ZGRF1: variants seen among roughly 807,000 people sequenced by gnomAD.
ZGRF1 encodes the protein zinc finger GRF-type containing 1.
In ZGRF1, 196 loss-of-function variants were observed where a neutral mutation model predicts 203.5. The observed-to-expected ratio is 0.96, with a 90% CI of 0.86 to 1.08. The LOEUF (loss-of-function observed/expected upper bound fraction) is 1.08. ZGRF1 is among the 50% of genes least tolerant of loss of function. The probability of loss-of-function intolerance (pLI) is 0.00; values close to 1 mark genes in which losing one functional copy is unlikely to be tolerated. For synonymous variants in ZGRF1, 809 were observed against 841.3 expected (o/e 0.96, Z 0.66); for missense variants, 2,326 against 2,416.3 (o/e 0.96, Z 0.78).
At chr4:112,562,901 C>G (rs1485024074) in intron 17 of ZGRF1, among the ~76,000 whole-genome samples, 1 of 152,058 alleles carries the variant, frequency 6.6e-6, no homozygotes, top group African/African-American at 2.4e-5. Context: ...ATATGGAAAA[C>G]AGAAAATCAG....
chr4:112,545,987 C>T (rs1384553791), intron 24 of ZGRF1, among the ~76,000 whole-genome samples: 1 of 151,562 alleles, frequency 6.6e-6, no homozygotes, highest in Non-Finnish European at 1.5e-5. Flanking sequence ...TATTGCTTAA[C>T]AGTTCAAAAT....
At chr4:112,555,942 GTTTTC>G (rs748815195) in intron 20 of ZGRF1, among the ~76,000 whole-genome samples, 42 of 151,210 alleles carry the variant, frequency 2.8e-4, no homozygotes, top group Non-Finnish European at 3.8e-4. Flanking sequence ...TCGTTTTTTT[GTTTTC>G]TTTTGTTTTT....
rs1163200709 is a variant in ZGRF1 at position 112,580,207 on chromosome 4, G to A, written c.4438+1456C>T. ...TTCCCTATTTAACAAATGTTGCTGGGAAAACTGGCTAGCCATATGTAGAAA... is the reference window on the plus strand; with the variant it reads ...TTCCCTATTTAACAAATGTTGCTGGAAAAACTGGCTAGCCATATGTAGAAA... On this transcript the variant is annotated intron_variant, in intron 16 of 27. Coordinates refer to ENST00000505019, the MANE Select transcript of ZGRF1 (RefSeq NM_018392.5). Among the ~76,000 whole-genome samples, 4 of 124,306 alleles carry A rather than the reference G, an allele frequency of 3.2e-5. 1 individual carries two copies. The East Asian group carries it at 9.4e-4, about 29-fold the overall frequency. The allele number at this position is 124,306 out of a possible 152,430, so 81.5% of individuals were successfully genotyped here.
At chr4:112,607,059 T>C (rs1477548048) in intron 8 of ZGRF1, among the ~76,000 whole-genome samples, 1 of 152,210 alleles carries the variant, frequency 6.6e-6, no homozygotes, top group Non-Finnish European at 1.5e-5. Context: ...ATAACACTTA[T>C]ATATAAGCAC....
At chr4:112,634,137 A>G (rs558370936) in intron 1 of ZGRF1, among the ~76,000 whole-genome samples, 3 of 152,234 alleles carry the variant, frequency 2.0e-5, no homozygotes, top group Non-Finnish European at 4.4e-5. Flanking sequence ...TTCAGTACTT[A>G]CTATTGTGCC....
intron 9 of ZGRF1, 68 bp downstream of exon 9, chr4:112,605,940 T>G: frequency 9.6e-7 from 1 of 1,040,588 alleles, no homozygotes; most frequent in Non-Finnish European, 1.5e-6. Flanking sequence ...TGTTTTTTTG[T>G]TTTTTTGTTT....
In ZGRF1 at chr4:112,630,466, C is replaced by T. The variant is rs140304152; in HGVS notation, c.102+1464G>A. ...CTGGGAGGCAGAGGCTTCAGGGAGC[C>T]GAGATTGTGCCACTGCACTCCAGCC... is the stretch of plus-strand genomic sequence containing the variant. On this transcript the variant is annotated intron_variant, in intron 3 of 27. Coordinates refer to ENST00000505019, the MANE Select transcript of ZGRF1 (RefSeq NM_018392.5). Among the ~76,000 whole-genome samples, 379 of 152,034 alleles carry T rather than the reference C, an allele frequency of 2.5e-3. 4 individuals are homozygous for T. Among genetic ancestry groups the T allele is most frequent in the African/African-American group, 8.5e-3 (354 of 41,456 alleles).
At chr4:112,601,572 TA>T (rs781100141) in intron 10 of ZGRF1, among the ~76,000 whole-genome samples, 5,862 of 129,714 alleles carry the variant, frequency 0.045, 306 homozygotes, top group African/African-American at 0.14. Context: ...AGACCTTGTC[TA>T]AAAAAAAAAA....
chr4:112,575,016 ACT>A (rs1028184770), intron 16 of ZGRF1, among the ~76,000 whole-genome samples: 2 of 151,024 alleles, frequency 1.3e-5, no homozygotes, highest in African/African-American at 2.4e-5. Flanking sequence ...ACAGAGTGAG[ACT>A]CTGTCTCAGG....
chr4:112,539,367 T>A lies in ZGRF1; in HGVS notation c.*180A>T. ...TTAGAAAAAAGCTTATTTTTATTAG[T>A]AGGATTTTATACTACCTTTTGTACA... On this transcript the variant is annotated 3_prime_UTR_variant, in exon 28 of 28. Transcript: ENST00000505019. 1 of 408,324 alleles carries A rather than the reference T, an allele frequency of 2.4e-6. No homozygotes were observed. The highest frequency in any genetic ancestry group is 4.3e-6 in the Non-Finnish European group (1 of 235,070). The allele number at this position is 408,324 out of a possible 1,614,324, so 25.3% of individuals were successfully genotyped here.
At chr4:112,557,681 T>C (rs13144494) in intron 20 of ZGRF1, among the ~76,000 whole-genome samples, 10,081 of 152,286 alleles carry the variant, frequency 0.066, 403 homozygotes, top group Middle Eastern at 0.11. Flanking sequence ...ACACTGAGGC[T>C]GGGGATCCAT....
Position 112,619,218 on chromosome 4 carries a change from G to T in ZGRF1, c.824C>A (p.Thr275Lys), listed in dbSNP as rs1472999362. 6 of 1,613,196 alleles carry T rather than the reference G, an allele frequency of 3.7e-6. No homozygotes were observed. In the Admixed American group the frequency reaches 1.0e-4, roughly 27 times the overall value. The change falls in exon 6 of 28, where the codon ACA becomes AAA. Residue 275 changes from threonine (T) to lysine (K), a missense_variant. Coordinates refer to ENST00000505019, the MANE Select transcript of ZGRF1 (RefSeq NM_018392.5). ...SSCEELNSEM[T>K]EHFPQKQPQG... ...TGGTTGTTTTTGAGGAAAATGCTCT[G>T]TCATCTCAGAATTTAGTTCCTCACA...
intron 16 of ZGRF1, among the ~76,000 whole-genome samples, chr4:112,567,817 T>C (rs1743411899): frequency 6.6e-6 from 1 of 152,018 alleles, no homozygotes; most frequent in African/African-American, 2.4e-5. Flanking sequence ...TCCCAGCTAG[T>C]CAGAACGCTG....
In ZGRF1 at chr4:112,618,419, G is replaced by A; in HGVS notation, c.1623C>T (p.Asp541=). 1.2e-6 allele frequency: 2 copies of A among 1,613,824 alleles called. No individual in the cohort carries two copies. Among genetic ancestry groups the A allele is most frequent in the Middle Eastern group, 1.7e-4 (1 of 6,058 alleles). Residue 541 remains aspartate, a synonymous_variant, in exon 6 of 28, where the codon GAC becomes GAT. Coordinates refer to ENST00000505019, the MANE Select transcript of ZGRF1 (RefSeq NM_018392.5). ...TGCTTTCCTGTGATTCCTCCTCAGT[G>A]TCACTGGTCTCAAAATTGTTCAGAT... ...TFNLNNFETS[D]TEEESQESNK... is the part of the protein sequence containing the mutation.
Position 112,616,330 on chromosome 4 carries a change from G to GC in ZGRF1, c.2602+1109dup, listed in dbSNP as rs375517695. On this transcript the variant is annotated intron_variant, in intron 6 of 27. Coordinates refer to ENST00000505019, the MANE Select transcript of ZGRF1 (RefSeq NM_018392.5). Reference sequence around the variant, plus strand: ...AGGTCAAGAGTTCAAGACCAACGTGGCCAACATGGTGAAACCCCATCTCTA... The same window carrying GC: ...AGGTCAAGAGTTCAAGACCAACGTGGCCCAACATGGTGAAACCCCATCTCTA... 3.1e-3 allele frequency among the ~76,000 whole-genome samples: 467 copies of GC among 150,120 alleles called. 2 individuals carry two copies. The highest frequency in any genetic ancestry group is 0.011 in the African/African-American group (451 of 40,796).
At chr4:112,581,973 C>G (rs552006182) in intron 15 of ZGRF1, among the ~76,000 whole-genome samples, 171 bp from the exon 16 acceptor site, 70 of 152,214 alleles carry the variant, frequency 4.6e-4, no homozygotes, top group African/African-American at 1.5e-3. Flanking sequence ...ACAACTGTCA[C>G]AGAACTGTCA....
In ZGRF1 at chr4:112,562,430, T is replaced by C; in HGVS notation, c.4638A>G (p.Lys1546=). 4 of 1,610,876 alleles carry C rather than the reference T, an allele frequency of 2.5e-6. No homozygotes were observed. Among genetic ancestry groups the C allele is most frequent in the Non-Finnish European group, 1.7e-6 (2 of 1,178,298 alleles). The change falls in exon 18 of 28, where the codon AAA becomes AAG. Residue 1546 remains lysine, a synonymous_variant. Transcript: ENST00000505019. ...CNASTELTTL[K]NIQDYFNPAT... Reference sequence around the variant, plus strand: ...CTGGATTAAAGTAGTCCTGAATGTTTTTCAAAGTAGTCAGTTCTGTGCTAG... The same window carrying C: ...CTGGATTAAAGTAGTCCTGAATGTTCTTCAAAGTAGTCAGTTCTGTGCTAG...
chr4:112,547,172 A>T, intron 24 of ZGRF1, 113 bp downstream of exon 24: 1 of 1,068,576 alleles, frequency 9.4e-7, no homozygotes, highest in Non-Finnish European at 1.3e-6. Flanking sequence ...CTCCAATTAT[A>T]CATTATTTTA....
intron 19 of ZGRF1, among the ~76,000 whole-genome samples, chr4:112,558,970 T>A (rs891844312): frequency 6.6e-6 from 1 of 152,200 alleles, no homozygotes; most frequent in African/African-American, 2.4e-5. Flanking sequence ...GAATAAGATG[T>A]CCAGACTGCT....
Sources: gnomAD v4.1 joint callset for allele counts (sites outside exome capture counted in the v4.1 genomes callset) on GRCh38, gnomAD v4.1.1 for gene constraint, MANE v1.5 for transcripts, NCBI Gene and HGNC (gene_info 2026-07-23, HGNC 2026-07-21) for gene names.